Variants in ECPAS observed in about 807,000 individuals in gnomAD.
ECPAS encodes the protein proteasome adapter and scaffold protein ECM29.
Under a neutral mutation model 255.1 loss-of-function variants are expected in ECPAS, and 70 were observed. That is an observed-to-expected ratio of 0.27 (90% CI 0.23 to 0.33). The LOEUF is 0.33. Ranked by LOEUF, ECPAS falls within the 10% of genes least tolerant of loss-of-function variation. ECPAS has a pLI of 1.00. For synonymous variants in ECPAS, 784 were observed against 775.0 expected, an observed-to-expected ratio of 1.01 and a Z score of -0.19; for missense variants, 1,817 against 2,206.4, an observed-to-expected ratio of 0.82 and a Z score of 3.54.
chr9:111,366,666 G>C (rs774150857), intron 46 of ECPAS, 39 bp from the exon 47 acceptor site: 1 of 1,332,188 alleles, frequency 7.5e-7, no homozygotes. Flanking sequence ...GCAGGAGACA[G>C]TATAAAAGAA....
chr9:111,364,737 T>C (rs1343854840), intron 48 of ECPAS, among the ~76,000 whole-genome samples: 2 of 152,224 alleles, frequency 1.3e-5, no homozygotes, highest in African/African-American at 4.8e-5. Context: ...GATAGTACCT[T>C]GACCAGGTAA....
Position 111,394,226 on chromosome 9 carries a change from C to T in ECPAS, c.2856G>A (p.Val952=), listed in dbSNP as rs1269927118. 6.2e-7 allele frequency: 1 copy of T among 1,609,344 alleles called. No individual in the cohort carries two copies. Among genetic ancestry groups the T allele is most frequent in the Non-Finnish European group, 8.5e-7 (1 of 1,177,628 alleles). The change falls in exon 26 of 50, where the codon GTG becomes GTA. Residue 952 remains valine (V), a synonymous_variant. Transcript: ENST00000684092. ...NKHIISPNPH[V]RQAACIWLLS... is the part of the protein sequence containing the mutation. ...GGAGCCAGATGCAGGCTGCTTGCCT[C>T]ACGTGTGGGTTGGGGCTGATGATAT...
chr9:111,414,688 C>G (rs771034603), intron 18 of ECPAS, 37 bp from the exon 19 acceptor site: 1 of 1,559,452 alleles, frequency 6.4e-7, no homozygotes, highest in Non-Finnish European at 8.8e-7. Context: ...GCATAAGCTT[C>G]TCGAAAAGTC....
intron 24 of ECPAS, among the ~76,000 whole-genome samples, chr9:111,404,759 CG>C (rs1345893332): frequency 7.7e-6 from 1 of 130,394 alleles, no homozygotes; most frequent in Non-Finnish European, 1.5e-5. Context: ...AATATGCCAA[CG>C]GCAAACAATC....
intron 7 of ECPAS, among the ~76,000 whole-genome samples, chr9:111,436,463 A>G (rs1372734525): frequency 6.6e-6 from 1 of 152,220 alleles, no homozygotes; most frequent in African/African-American, 2.4e-5. Flanking sequence ...AAGTAATATA[A>G]CAGGGAGTCA....
intron 16 of ECPAS, among the ~76,000 whole-genome samples, chr9:111,419,501 T>G (rs889340246): frequency 2.6e-5 from 4 of 152,068 alleles, no homozygotes; most frequent in Admixed American, 2.6e-4. Flanking sequence ...ATTTAAACAT[T>G]CTTTTAAAAA....
intron 2 of ECPAS, among the ~76,000 whole-genome samples, chr9:111,452,216 T>TA (rs1285465916): frequency 1.3e-5 from 2 of 152,204 alleles, no homozygotes; most frequent in Non-Finnish European, 2.9e-5. Context: ...TTTAAGGAAT[T>TA]ACTGTTAAAA....
intron 2 of ECPAS, among the ~76,000 whole-genome samples, chr9:111,456,307 T>C (rs1221508951): frequency 6.6e-6 from 1 of 152,094 alleles, no homozygotes; most frequent in Non-Finnish European, 1.5e-5. Flanking sequence ...GACTGAAAGA[T>C]TATATAACGT....
chr9:111,472,638 T>C (rs544576582), intron 2 of ECPAS, among the ~76,000 whole-genome samples: 140 of 144,154 alleles, frequency 9.7e-4, no homozygotes, highest in African/African-American at 3.5e-3. Context: ...AGACACTGTC[T>C]CCAAAAAAAA....
chr9:111,386,845 T>A (rs141885715), intron 31 of ECPAS, among the ~76,000 whole-genome samples: 3 of 152,326 alleles, frequency 2.0e-5, no homozygotes, highest in Non-Finnish European at 4.4e-5. Flanking sequence ...CTTGGCTAAC[T>A]CCTACTTGTC....
At chr9:111,381,379 T>C (rs1429753820) in intron 35 of ECPAS, among the ~76,000 whole-genome samples, 1 of 152,138 alleles carries the variant, frequency 6.6e-6, no homozygotes, top group African/African-American at 2.4e-5. Context: ...ATGGGTGTAG[T>C]TCATACAACT....
At chr9:111,447,128 AT>A (rs1226561420) in intron 3 of ECPAS, among the ~76,000 whole-genome samples, 72 of 146,006 alleles carry the variant, frequency 4.9e-4, no homozygotes, top group Middle Eastern at 7.0e-3. Context: ...ATTTATTTTG[AT>A]TTTTTTTTTT....
At chr9:111,466,623 A>ACACACT (rs1423181685) in intron 2 of ECPAS, among the ~76,000 whole-genome samples, 1 of 144,256 alleles carries the variant, frequency 6.9e-6, no homozygotes, top group Admixed American at 6.7e-5. Context: ...AAATACACAC[A>ACACACT]CACACACACA....
intron 39 of ECPAS, 113 bp from the exon 40 acceptor site, chr9:111,373,519 T>C: frequency 1.3e-6 from 1 of 773,214 alleles, no homozygotes; most frequent in South Asian, 1.7e-5. Flanking sequence ...TACTCCACAG[T>C]AGTTTAGATT....
chr9:111,400,577 A>G (rs1303852660), intron 24 of ECPAS, among the ~76,000 whole-genome samples: 3 of 152,224 alleles, frequency 2.0e-5, no homozygotes, highest in Non-Finnish European at 2.9e-5. Flanking sequence ...GAAATTTAGT[A>G]AAGAGATTAA....
At chr9:111,403,751 T>C (rs1381398568) in intron 24 of ECPAS, among the ~76,000 whole-genome samples, 1 of 149,874 alleles carries the variant, frequency 6.7e-6, no homozygotes, top group East Asian at 2.0e-4. Context: ...AACTACACTC[T>C]AGACAAAATG....
At chr9:111,395,823 C>T (rs1271547220) in intron 25 of ECPAS, among the ~76,000 whole-genome samples, 1 of 152,168 alleles carries the variant, frequency 6.6e-6, no homozygotes, top group African/African-American at 2.4e-5. Flanking sequence ...AACAATGTTG[C>T]TTCCCTTCCT....
chr9:111,422,227 A>C, intron 13 of ECPAS, 27 bp from the exon 14 acceptor site: 13 of 1,596,218 alleles, frequency 8.1e-6, no homozygotes, highest in Non-Finnish European at 1.1e-5. Context: ...AAATATTGTT[A>C]CTATCATAAA....
At chr9:111,434,328 T>C (rs1199505239) in intron 7 of ECPAS, among the ~76,000 whole-genome samples, 1 of 152,000 alleles carries the variant, frequency 6.6e-6, no homozygotes, top group East Asian at 1.9e-4. Context: ...AAACAAAAAA[T>C]GTGTAAAGAA....
Sources: allele counts gnomAD v4.1 joint callset (sites outside exome capture counted in the v4.1 genomes callset), GRCh38; gene constraint gnomAD v4.1.1; transcripts MANE v1.5; gene names NCBI Gene and HGNC (gene_info 2026-07-23, HGNC 2026-07-21).